POLR1A: variants seen among roughly 807,000 people sequenced by gnomAD.
The protein encoded by POLR1A is RNA polymerase I subunit A.
Under a neutral mutation model 205.3 loss-of-function variants are expected in POLR1A, and 84 were observed. That is an observed-to-expected ratio of 0.41 (90% CI 0.34 to 0.49). The LOEUF is 0.49. POLR1A is among the 20% of genes least tolerant of loss of function. The pLI, the probability that POLR1A is intolerant of heterozygous loss-of-function variation, is 0.22. For missense variants in POLR1A, 1,645 were observed against 2,204.5 expected, an observed-to-expected ratio of 0.75 and a Z score of 5.08; for synonymous variants, 799 against 863.7, an observed-to-expected ratio of 0.93 and a Z score of 1.31.
At chr2:86,043,692 T>G (rs1474514494) in intron 22 of POLR1A, among the ~76,000 whole-genome samples, 2 of 152,140 alleles carry the variant, frequency 1.3e-5, no homozygotes, top group Non-Finnish European at 2.9e-5. Flanking sequence ...AGGTATACAA[T>G]GAAAATCATG....
chr2:86,033,786 A>G lies in POLR1A; in HGVS notation c.4036T>C (p.Phe1346Leu), dbSNP rs1672444181. 4 of 1,613,952 alleles carry G rather than the reference A, an allele frequency of 2.5e-6. No homozygotes were observed. The highest frequency in any genetic ancestry group is 3.4e-6 in the Non-Finnish European group (4 of 1,180,006). Residue 1346 changes from phenylalanine (F) to leucine (L), a missense_variant and splice_region_variant, in exon 28 of 34, where the codon TTC (phenylalanine) becomes CTC (leucine). Phe to Leu is a conservative substitution (Grantham distance 22). This residue lies in a region of POLR1A where 394 missense variants were observed against 468.5 expected (regional missense o/e 0.84). Coordinates refer to ENST00000263857, the MANE Select transcript of POLR1A (RefSeq NM_015425.6). ...EDILRFMETR[F>L]FKLLMESIKK... is the part of the protein sequence containing the mutation. The stretch of plus-strand genomic sequence containing the variant: ...ATGGATTCCATCAGAAGTTTAAAGA[A>G]TCTAAAACAAGAAGAAAGCCAAAAA...
rs1231474858 is a variant in POLR1A, at chr2:86,025,328, C to G, written c.*2095G>C. 6.6e-6 allele frequency: 1 copy of G among 152,252 alleles called. No individual in the cohort carries two copies. Among genetic ancestry groups the G allele is most frequent in the Non-Finnish European group, 1.5e-5 (1 of 68,056 alleles). 9.4% of individuals were successfully genotyped at this position (152,252 alleles called of 1,614,324 possible). A position where few individuals can be genotyped will look rare whatever the true frequency, so the allele number is the denominator to read the frequency against. ...GGGCACTTACAGTCCTAAGAAGACT[C>G]CAAAGCCTCTGCCATCTTAAGCTGC... is the stretch of plus-strand genomic sequence containing the variant. On this transcript the variant is annotated 3_prime_UTR_variant, in exon 34 of 34. Coordinates refer to ENST00000263857, the MANE Select transcript of POLR1A (RefSeq NM_015425.6).
intron 6 of POLR1A, among the ~76,000 whole-genome samples, chr2:86,087,699 C>T (rs1264504138): frequency 6.6e-6 from 1 of 151,940 alleles, no homozygotes; most frequent in African/African-American, 2.4e-5. Context: ...CCCGCCACCA[C>T]GCCTGGCTAA....
Position 86,052,733 on chromosome 2 carries a change from G to A in POLR1A, c.2392+84C>T, listed in dbSNP as rs562770257. 4.6e-5 allele frequency: 52 copies of A among 1,121,612 alleles called. 1 individual carries two copies. The highest frequency in any genetic ancestry group is 4.5e-4 in the African/African-American group (28 of 62,316). 69.5% of individuals were successfully genotyped at this position (1,121,612 alleles called of 1,614,324 possible). A position where few individuals can be genotyped will look rare whatever the true frequency, so the allele number is the denominator to read the frequency against. On this transcript the variant is annotated intron_variant, in intron 16 of 33. Transcript: ENST00000263857. ...AGCCTTGGAAATCTTCAGTGTGGAC[G>A]GCTCTCTCTGTCCTGGGCCTGGGAG... is the stretch of plus-strand genomic sequence containing the variant.
In POLR1A at chr2:86,065,126, G is replaced by A. The variant is rs567737112; in HGVS notation, c.2058+148C>T. 5.5e-4 allele frequency: 405 copies of A among 739,804 alleles called. 3 individuals carry two copies. The South Asian group carries it at 7.2e-3, about 13-fold the overall frequency. 45.8% of individuals were successfully genotyped at this position (739,804 alleles called of 1,614,324 possible). A position where few individuals can be genotyped will look rare whatever the true frequency, so the allele number is the denominator to read the frequency against. On this transcript the variant is annotated intron_variant, in intron 14 of 33. Coordinates refer to ENST00000263857, the MANE Select transcript of POLR1A (RefSeq NM_015425.6). ...CTCCCTTGAAGCCACCCAGACTCAG[G>A]AACCCCAAACAAAGGGGAAAGAAAG...
intron 14 of POLR1A, among the ~76,000 whole-genome samples, chr2:86,063,242 G>A (rs1456513607): frequency 6.9e-6 from 1 of 144,142 alleles, no homozygotes; most frequent in African/African-American, 2.5e-5. Flanking sequence ...GGCTGAGGCA[G>A]GAGAATTGCT....
At chr2:86,105,616 TG>T in intron 1 of POLR1A, 83 bp downstream of exon 1, 1 of 888,808 alleles carries the variant, frequency 1.1e-6, no homozygotes, top group Non-Finnish European at 1.9e-6. Flanking sequence ...GAGGATAGAC[TG>T]GGCAAAAGCG....
rs79519753 is a variant in POLR1A, at chr2:86,030,322, G to A, written c.4653C>T (p.Ala1551=). The A allele has an allele frequency of 1.3e-5, 21 of 1,614,056 alleles. No homozygotes were observed. Among genetic ancestry groups the A allele is most frequent in the South Asian group, 2.2e-5 (2 of 91,084 alleles). ...SSLVVSLAHG[A]VIYATKGITR... ...TGATGCCCTTGGTCGCATAGATGACGGCACCATGGGCCAAAGATACTACCA... is the reference window on the plus strand; with the variant it reads ...TGATGCCCTTGGTCGCATAGATGACAGCACCATGGGCCAAAGATACTACCA... The change falls in exon 31 of 34, where the codon GCC becomes GCT. Residue 1551 remains alanine (A), a synonymous_variant. Coordinates refer to ENST00000263857, the MANE Select transcript of POLR1A (RefSeq NM_015425.6).
chr2:86,065,565 C>T (rs1673072164), intron 13 of POLR1A, 100 bp from the exon 14 acceptor site: 2 of 961,084 alleles, frequency 2.1e-6, no homozygotes, highest in Admixed American at 2.3e-5. Context: ...TATCAAGAGC[C>T]CTTCTTATAT....
chr2:86,096,274 T>C (rs1380262203), intron 3 of POLR1A, among the ~76,000 whole-genome samples: 1 of 152,044 alleles, frequency 6.6e-6, no homozygotes, highest in Non-Finnish European at 1.5e-5. Context: ...CGAAAGAAAC[T>C]GGAGAGGATA....
intron 3 of POLR1A, among the ~76,000 whole-genome samples, chr2:86,092,622 C>T (rs1673628244): frequency 6.6e-6 from 1 of 152,286 alleles, no homozygotes; most frequent in South Asian, 2.1e-4. Context: ...GCCAGGATTT[C>T]AAGACCAGCC....
At position 86,039,468 on chromosome 2, in the gene POLR1A, A is replaced by C. The variant is rs2104387374; in HGVS notation, c.3741-6T>G. The C allele has an allele frequency of 6.2e-7, 1 of 1,614,068 alleles. No individual in the cohort carries two copies. The highest frequency in any genetic ancestry group is 1.7e-5 in the Admixed American group (1 of 60,004). Reference sequence around the variant, plus strand: ...CCATGAGAATCTCCCGCAACCTGTCACAGAATAAGGGCACATCCAATCATG... The same window carrying C: ...CCATGAGAATCTCCCGCAACCTGTCCCAGAATAAGGGCACATCCAATCATG... On this transcript the variant is annotated splice_polypyrimidine_tract_variant and splice_region_variant and intron_variant, in intron 25 of 33. Transcript: ENST00000263857.
In POLR1A at chr2:86,053,010, G is replaced by A. The variant is rs751392401; in HGVS notation, c.2209-10C>T. On this transcript the variant is annotated splice_polypyrimidine_tract_variant and intron_variant, in intron 15 of 33. Coordinates refer to ENST00000263857, the MANE Select transcript of POLR1A (RefSeq NM_015425.6). ...CTTCCCTGATGATCACCTGCAGAGG[G>A]CAAGGCCACCAATGCCGGGCTGCGG... 1.9e-6 allele frequency: 3 copies of A among 1,554,170 alleles called. No homozygotes were observed. The highest frequency in any genetic ancestry group is 2.6e-6 in the Non-Finnish European group (3 of 1,147,002).
At chr2:86,047,014 G>C (rs1672721662) in intron 19 of POLR1A, 151 bp downstream of exon 19, 1 of 574,348 alleles carries the variant, frequency 1.7e-6, no homozygotes, top group Non-Finnish European at 3.1e-6. Flanking sequence ...ACATTGGCAT[G>C]TTAACAGTGG....
At chr2:86,085,086 C>G (rs917339908) in intron 6 of POLR1A, among the ~76,000 whole-genome samples, 1 of 152,146 alleles carries the variant, frequency 6.6e-6, no homozygotes, top group Non-Finnish European at 1.5e-5. Context: ...CTCAGCCTCC[C>G]GAGTAGCTGG....
chr2:86,085,531 A>C (rs1673488696), intron 6 of POLR1A, among the ~76,000 whole-genome samples: 1 of 152,202 alleles, frequency 6.6e-6, no homozygotes, highest in Admixed American at 6.5e-5. Flanking sequence ...TTTTGTGGGC[A>C]TTTCTGAAAA....
intron 27 of POLR1A, among the ~76,000 whole-genome samples, chr2:86,034,694 C>T (rs1022115245): frequency 1.6e-4 from 24 of 152,268 alleles, no homozygotes; most frequent in African/African-American, 5.1e-4. Flanking sequence ...TTTCTCTGAG[C>T]GCCTATACTG....
intron 13 of POLR1A, among the ~76,000 whole-genome samples, chr2:86,069,527 A>T (rs1673138155): frequency 6.6e-6 from 1 of 152,180 alleles, no homozygotes; most frequent in South Asian, 2.1e-4. Context: ...GAACTTGGAG[A>T]AAGAAGGAAA....
rs935329977 is a variant in POLR1A at position 86,038,720 on chromosome 2, G to A, written c.4014C>T (p.Ile1338=). The A allele has an allele frequency of 1.2e-6, 2 of 1,613,762 alleles. No homozygotes were observed. Among genetic ancestry groups the A allele is most frequent in the African/African-American group, 2.7e-5 (2 of 74,910 alleles). The change falls in exon 27 of 34, where the codon ATC becomes ATT. Residue 1338 remains isoleucine (I), a synonymous_variant. Coordinates refer to ENST00000263857, the MANE Select transcript of POLR1A (RefSeq NM_015425.6). Reference sequence around the variant, plus strand: ...CTGACCTTGTTTCCATGAAGCGCAGGATGTCCTCGGGTCTCAGGCACTTCT... The same window carrying A: ...CTGACCTTGTTTCCATGAAGCGCAGAATGTCCTCGGGTCTCAGGCACTTCT... ...QQEKCLRPED[I]LRFMETRFFK... is the part of the protein sequence containing the mutation.
Sources: allele counts gnomAD v4.1 joint callset (sites outside exome capture counted in the v4.1 genomes callset), GRCh38; gene constraint gnomAD v4.1.1; regional missense constraint gnomAD v4.1.1; transcripts MANE v1.5; gene names NCBI Gene and HGNC (gene_info 2026-07-23, HGNC 2026-07-21).